COG5: variants seen among roughly 807,000 people sequenced by gnomAD.
COG5 encodes the protein component of oligomeric golgi complex 5.
A neutral mutation model predicts 110.4 loss-of-function variants in COG5; 86 were observed. That is an observed-to-expected ratio of 0.78 (90% CI 0.65 to 0.93). The LOEUF (loss-of-function observed/expected upper bound fraction) is 0.93. Ranked by LOEUF, COG5 falls within the 40% of genes least tolerant of loss-of-function variation. The pLI is 0.00. For synonymous variants in COG5, 360 were observed against 334.6 expected (o/e 1.08, Z -0.83); for missense variants, 1,077 against 987.0 (o/e 1.09, Z -1.22).
chr7:107,492,828 A>T (rs900843554), intron 6 of COG5, among the ~76,000 whole-genome samples: 1 of 152,100 alleles, frequency 6.6e-6, no homozygotes, highest in Non-Finnish European at 1.5e-5. Context: ...TAACATATTC[A>T]TAGGTTCCAA....
At chr7:107,222,067 A>C (rs1224546594) in intron 19 of COG5, among the ~76,000 whole-genome samples, 1 of 152,182 alleles carries the variant, frequency 6.6e-6, no homozygotes, top group Non-Finnish European at 1.5e-5. Flanking sequence ...AAACAACCTG[A>C]ACAGTACATG....
At chr7:107,373,934 A>C (rs1464890028) in intron 7 of COG5, among the ~76,000 whole-genome samples, 1 of 152,172 alleles carries the variant, frequency 6.6e-6, no homozygotes, top group African/African-American at 2.4e-5. Flanking sequence ...GCAGACATAC[A>C]CATAAACTCA....
At chr7:107,376,526 G>T (rs570151922) in intron 7 of COG5, among the ~76,000 whole-genome samples, 3 of 151,678 alleles carry the variant, frequency 2.0e-5, no homozygotes, top group East Asian at 1.9e-4. Context: ...ATTATTTTTT[G>T]ATATAAATTG....
chr7:107,461,703 A>T (rs1272221437), intron 6 of COG5, among the ~76,000 whole-genome samples: 1 of 152,222 alleles, frequency 6.6e-6, no homozygotes, highest in Non-Finnish European at 1.5e-5. Flanking sequence ...AGTTTGGCAA[A>T]ATCATATGGT....
intron 6 of COG5, among the ~76,000 whole-genome samples, chr7:107,414,488 G>A (rs1792549786): frequency 6.6e-6 from 1 of 151,932 alleles, no homozygotes; most frequent in African/African-American, 2.4e-5. Context: ...TAATCTACTA[G>A]ATTAGATAAA....
intron 10 of COG5, among the ~76,000 whole-genome samples, chr7:107,329,299 G>A (rs187655564): frequency 6.6e-6 from 1 of 152,166 alleles, no homozygotes; most frequent in Non-Finnish European, 1.5e-5. Context: ...GAAAGGATGT[G>A]AAAAGTCCTT....
At chr7:107,508,029 G>A (rs796694213) in intron 6 of COG5, among the ~76,000 whole-genome samples, 3 of 152,226 alleles carry the variant, frequency 2.0e-5, no homozygotes, top group Non-Finnish European at 2.9e-5. Flanking sequence ...CAGACAGTGG[G>A]TGCAAGACAG....
At chr7:107,446,178 A>C (rs1357056457) in intron 6 of COG5, among the ~76,000 whole-genome samples, 1 of 152,200 alleles carries the variant, frequency 6.6e-6, no homozygotes, top group Non-Finnish European at 1.5e-5. Flanking sequence ...AAAATATCTC[A>C]AGATCCTTAA....
chr7:107,378,043 C>T (rs1308358559), intron 7 of COG5, among the ~76,000 whole-genome samples: 1 of 152,198 alleles, frequency 6.6e-6, no homozygotes. Context: ...CTGGCAGGTG[C>T]CCCTCTGGGA....
intron 5 of COG5, among the ~76,000 whole-genome samples, chr7:107,529,850 A>G (rs914349182): frequency 4.6e-5 from 7 of 152,302 alleles, no homozygotes; most frequent in Non-Finnish European, 8.8e-5. Context: ...GCAAGAATTG[A>G]GGTTGCTGCA....
At chr7:107,552,926 C>G (rs962365508) in intron 3 of COG5, among the ~76,000 whole-genome samples, 1 of 151,976 alleles carries the variant, frequency 6.6e-6, no homozygotes, top group Non-Finnish European at 1.5e-5. Context: ...TACTACACAG[C>G]CATAAAAAAA....
intron 18 of COG5, 40 bp from the exon 19 acceptor site, chr7:107,230,731 A>G (rs748080324): frequency 2.1e-6 from 3 of 1,463,062 alleles, no homozygotes; most frequent in Admixed American, 3.3e-5. Flanking sequence ...TAATGTCAGA[A>G]TCATTAGGGG....
At chr7:107,451,037 A>G (rs992539916) in intron 6 of COG5, among the ~76,000 whole-genome samples, 26 of 152,176 alleles carry the variant, frequency 1.7e-4, no homozygotes, top group African/African-American at 6.3e-4. Flanking sequence ...TGTCAATGCT[A>G]TAGAAGAGAA....
chr7:107,505,250 T>G (rs1318324223), intron 6 of COG5, among the ~76,000 whole-genome samples: 1 of 152,012 alleles, frequency 6.6e-6, no homozygotes, highest in Non-Finnish European at 1.5e-5. Flanking sequence ...AGCAGGTGGG[T>G]AAATGCAATA....
intron 6 of COG5, among the ~76,000 whole-genome samples, chr7:107,520,464 A>G (rs1002700907): frequency 3.3e-5 from 5 of 152,212 alleles, no homozygotes; most frequent in Non-Finnish European, 5.9e-5. Context: ...TACAAAATCA[A>G]TGTGCAAAAA....
intron 7 of COG5, among the ~76,000 whole-genome samples, chr7:107,405,312 G>A (rs1022473224): frequency 2.6e-5 from 4 of 152,148 alleles, no homozygotes; most frequent in Non-Finnish European, 4.4e-5. Flanking sequence ...CTGAACAATG[G>A]TTCGTTTCAC....
At position 107,562,594 on chromosome 7, in the gene COG5, C is replaced by T. The variant is rs114416188; in HGVS notation, c.94+1209G>A. 5.6e-3 allele frequency among the ~76,000 whole-genome samples: 850 copies of T among 152,278 alleles called. 9 individuals are homozygous for T. Among genetic ancestry groups the T allele is most frequent in the African/African-American group, 0.02 (819 of 41,532 alleles). ...AAAATTGCACGTGTATCAGGAGCAACTGCAAATATATCAGGGTCTCTGCCT... is the reference window on the plus strand; with the variant it reads ...AAAATTGCACGTGTATCAGGAGCAATTGCAAATATATCAGGGTCTCTGCCT... On this transcript the variant is annotated intron_variant, in intron 1 of 21. Coordinates refer to ENST00000297135, the MANE Select transcript of COG5 (RefSeq NM_006348.5).
chr7:107,528,431 C>T (rs1168367030), intron 5 of COG5, among the ~76,000 whole-genome samples: 2 of 152,150 alleles, frequency 1.3e-5, no homozygotes, highest in African/African-American at 4.8e-5. Flanking sequence ...AGCACATAAA[C>T]AACAAAACTA....
intron 6 of COG5, among the ~76,000 whole-genome samples, chr7:107,478,664 A>C (rs1019849106): frequency 3.9e-5 from 6 of 152,148 alleles, no homozygotes; most frequent in African/African-American, 1.4e-4. Context: ...AACATAGTAC[A>C]TGATATACTA....
Sources: gnomAD v4.1 joint callset for allele counts (sites outside exome capture counted in the v4.1 genomes callset) on GRCh38, gnomAD v4.1.1 for gene constraint, MANE v1.5 for transcripts, NCBI Gene and HGNC (gene_info 2026-07-23, HGNC 2026-07-21) for gene names.